The following THSD7A variants were observed in gnomAD, a reference collection of about 807,000 sequenced individuals.
THSD7A encodes the protein thrombospondin type 1 domain containing 7A.
THSD7A carries 96 observed loss-of-function variants against 231.3 expected under a neutral mutation model. The ratio of observed to expected loss-of-function variants is 0.41; its 90% CI spans 0.35 to 0.49. The LOEUF (loss-of-function observed/expected upper bound fraction) is 0.49. THSD7A is among the 20% of genes least tolerant of loss of function. The probability of loss-of-function intolerance (pLI) is 0.05; values close to 1 mark genes in which losing one functional copy is unlikely to be tolerated. For missense variants in THSD7A, 2,290 were observed against 2,070.2 expected, an observed-to-expected ratio of 1.11 and a Z score of -2.06; for synonymous variants, 940 against 743.3, an observed-to-expected ratio of 1.26 and a Z score of -4.30.
At chr7:11,424,631 G>A in intron 16 of THSD7A, 65 bp downstream of exon 16, 1 of 1,593,938 alleles carries the variant, frequency 6.3e-7, no homozygotes, top group Non-Finnish European at 8.6e-7. Context: ...CAGTCATGTT[G>A]GCACATGTGC....
intron 2 of THSD7A, among the ~76,000 whole-genome samples, chr7:11,613,351 G>A (rs145879175): frequency 2.0e-4 from 31 of 152,206 alleles, no homozygotes; most frequent in African/African-American, 3.6e-4. Context: ...AGCCCTGGGT[G>A]AATCTCAGAG....
Position 11,814,522 on chromosome 7 carries a change from G to A in THSD7A, c.190+17235C>T, listed in dbSNP as rs1463909241. 6.6e-6 allele frequency among the ~76,000 whole-genome samples: 1 copy of A among 152,078 alleles called. No individual in the cohort carries two copies. Among genetic ancestry groups the A allele is most frequent in the Non-Finnish European group, 1.5e-5 (1 of 68,014 alleles). On this transcript the variant is annotated intron_variant, in intron 1 of 27. Transcript: ENST00000423059. This position sits in a 1 kb window ranked among gnomAD's most constrained non-coding sequence, Gnocchi z 5.1. Reference sequence around the variant, plus strand: ...GCTCTGAAAACTTTCATCATGATTTGGGAAATCATGACTTTCATGATTCTG... The same window carrying A: ...GCTCTGAAAACTTTCATCATGATTTAGGAAATCATGACTTTCATGATTCTG...
intron 2 of THSD7A, among the ~76,000 whole-genome samples, chr7:11,602,295 T>C (rs1780579765): frequency 6.6e-6 from 1 of 152,126 alleles, no homozygotes; most frequent in South Asian, 2.1e-4. Context: ...TGTGTGTGCA[T>C]ATATGTGTGT....
intron 1 of THSD7A, among the ~76,000 whole-genome samples, chr7:11,810,704 G>T (rs1022908253): frequency 6.6e-6 from 1 of 152,054 alleles, no homozygotes; most frequent in Admixed American, 6.6e-5. Context: ...ACAAATAATA[G>T]GAGAAACACC....
chr7:11,765,286 C>T (rs1451353563), intron 1 of THSD7A, among the ~76,000 whole-genome samples: 2 of 152,130 alleles, frequency 1.3e-5, no homozygotes, highest in African/African-American at 4.8e-5. Context: ...TTTAAGTTTG[C>T]TATCTTAGGA....
intron 1 of THSD7A, among the ~76,000 whole-genome samples, chr7:11,647,252 T>G (rs974523857): frequency 1.3e-5 from 2 of 152,012 alleles, no homozygotes; most frequent in Non-Finnish European, 2.9e-5. Context: ...CCTCTAGAAC[T>G]ACATCCTCCA....
chr7:11,403,310 T>C (rs747907537), intron 22 of THSD7A, among the ~76,000 whole-genome samples: 4 of 152,210 alleles, frequency 2.6e-5, no homozygotes, highest in Non-Finnish European at 5.9e-5. Flanking sequence ...ACATGAATTA[T>C]TGACTAACAT....
At chr7:11,620,687 A>C (rs1201330853) in intron 2 of THSD7A, among the ~76,000 whole-genome samples, 1 of 152,236 alleles carries the variant, frequency 6.6e-6, no homozygotes, top group Non-Finnish European at 1.5e-5. Context: ...TTCATGGTCT[A>C]GTTAACAAAA....
At chr7:11,466,479 G>A (rs1439197000) in intron 9 of THSD7A, among the ~76,000 whole-genome samples, 1 of 152,092 alleles carries the variant, frequency 6.6e-6, no homozygotes, top group Non-Finnish European at 1.5e-5. Flanking sequence ...AGAAAAAACT[G>A]CTTCTAGAGC....
chr7:11,447,473 C>A, intron 11 of THSD7A, 49 bp from the exon 12 acceptor site: 1 of 1,410,966 alleles, frequency 7.1e-7, no homozygotes, highest in South Asian at 1.5e-5. Flanking sequence ...CGTCTAATTA[C>A]TCTATAATTT....
chr7:11,443,107 G>A (rs1562612822), intron 13 of THSD7A, among the ~76,000 whole-genome samples: 1 of 152,208 alleles, frequency 6.6e-6, no homozygotes, highest in East Asian at 1.9e-4. Context: ...GACTGAAGTG[G>A]CTTGCTGATG....
chr7:11,468,665 C>A (rs1050226186), intron 9 of THSD7A, among the ~76,000 whole-genome samples: 1 of 151,982 alleles, frequency 6.6e-6, no homozygotes, highest in African/African-American at 2.4e-5. Context: ...ACAAACCCAT[C>A]TCTACTAAAA....
chr7:11,569,247 C>G (rs1324112619), intron 4 of THSD7A, among the ~76,000 whole-genome samples: 1 of 152,076 alleles, frequency 6.6e-6, no homozygotes, highest in Admixed American at 6.6e-5. Flanking sequence ...AAGAGACAAC[C>G]TCTGATATGG....
In THSD7A at chr7:11,814,592, A is replaced by AT. The variant is rs1264185071; in HGVS notation, c.190+17164dup. 6.6e-6 allele frequency among the ~76,000 whole-genome samples: 1 copy of AT among 152,166 alleles called. No individual in the cohort carries two copies. The highest frequency in any genetic ancestry group is 1.9e-4 in the East Asian group (1 of 5,186). On this transcript the variant is annotated intron_variant, in intron 1 of 27. Transcript: ENST00000423059. This position sits in a 1 kb window ranked among gnomAD's most constrained non-coding sequence, Gnocchi z 5.1. ...GTTGAAGGACCACCTTGTCTGCTTC[A>AT]TAGTATTTATTCTCTTCTTGTGGAA...
chr7:11,658,723 T>TA (rs1183781808), intron 1 of THSD7A, among the ~76,000 whole-genome samples: 2 of 151,738 alleles, frequency 1.3e-5, no homozygotes, highest in African/African-American at 2.4e-5. Context: ...ATTCCAGTCT[T>TA]ACGTTATTCG....
chr7:11,784,201 C>T (rs186449358), intron 1 of THSD7A, among the ~76,000 whole-genome samples: 48 of 150,730 alleles, frequency 3.2e-4, no homozygotes, highest in African/African-American at 1.1e-3. Flanking sequence ...CATATATATA[C>T]GTGTGTGTAT....
At chr7:11,670,291 G>A (rs1362393623) in intron 1 of THSD7A, among the ~76,000 whole-genome samples, 2 of 152,198 alleles carry the variant, frequency 1.3e-5, no homozygotes, top group Non-Finnish European at 1.5e-5. Flanking sequence ...GTTCTGTGGT[G>A]TAGTCAATGG....
At chr7:11,734,231 T>C (rs1781832180) in intron 1 of THSD7A, among the ~76,000 whole-genome samples, 1 of 151,966 alleles carries the variant, frequency 6.6e-6, no homozygotes, top group African/African-American at 2.4e-5. Context: ...GGCCTCTAAC[T>C]TAAAATTTTG....
Position 11,481,955 on chromosome 7 carries a change from C to A in THSD7A, c.1850G>T (p.Arg617Ile). 6.2e-7 allele frequency: 1 copy of A among 1,606,904 alleles called. No individual in the cohort carries two copies. Among genetic ancestry groups the A allele is most frequent in the Non-Finnish European group, 8.5e-7 (1 of 1,176,032 alleles). ...CACAGGGATGGGGAAGATGGCATCTCTGCACAGCTGTCTGTCAACTTCTTC... is the reference window on the plus strand; with the variant it reads ...CACAGGGATGGGGAAGATGGCATCTATGCACAGCTGTCTGTCAACTTCTTC... ...DGEEVDRQLC[R>I]DAIFPIPVAC... is the part of the protein sequence containing the mutation. The change falls in exon 7 of 28, where the codon AGA (arginine) becomes ATA (isoleucine). Residue 617 changes from arginine to isoleucine, a missense_variant. Physicochemically the swap from Arg to Ile is moderately conservative, Grantham distance 97. Coordinates refer to ENST00000423059, the MANE Select transcript of THSD7A (RefSeq NM_015204.3).
Sources: gnomAD v4.1 joint callset for allele counts (sites outside exome capture counted in the v4.1 genomes callset) on GRCh38, gnomAD v4.1.1 for gene constraint, Gnocchi (gnomAD v3.1) non-coding constraint, MANE v1.5 for transcripts, NCBI Gene and HGNC (gene_info 2026-07-23, HGNC 2026-07-21) for gene names.